The following DPYSL2 variants were observed in gnomAD, a reference collection of about 807,000 sequenced individuals.
The protein encoded by DPYSL2 is dihydropyrimidinase-related protein 2.
In DPYSL2, 13 loss-of-function variants were observed where a neutral mutation model predicts 69.9. That is an observed-to-expected ratio of 0.19 (90% CI 0.12 to 0.30). DPYSL2 has a LOEUF of 0.30. Ranked by LOEUF, DPYSL2 falls within the 10% of genes least tolerant of loss-of-function variation. The pLI, the probability that DPYSL2 is intolerant of heterozygous loss-of-function variation, is 1.00. For synonymous variants in DPYSL2, 326 were observed against 359.1 expected (o/e 0.91, Z 1.04); for missense variants, 587 against 918.9 (o/e 0.64, Z 4.67).
rs1051902478 is a variant in DPYSL2 at position 26,610,457 on chromosome 8, A to G, written c.629-13686A>G. ...TAGCATTTACTCTTATGTTACAATT[A>G]GTGCCTGCTTGCTGTGTGAACAGGA... is the stretch of plus-strand genomic sequence containing the variant. On this transcript the variant is annotated intron_variant, in intron 3 of 13. Transcript: ENST00000521913. This position sits in a 1 kb window ranked among gnomAD's most constrained non-coding sequence, Gnocchi z 4.5. 3.3e-5 allele frequency among the ~76,000 whole-genome samples: 5 copies of G among 152,146 alleles called. No homozygotes were observed. The highest frequency in any genetic ancestry group is 1.2e-4 in the African/African-American group (5 of 41,414).
At chr8:26,616,624 G>A (rs1034573548) in intron 3 of DPYSL2, among the ~76,000 whole-genome samples, 1 of 152,216 alleles carries the variant, frequency 6.6e-6, no homozygotes, top group Non-Finnish European at 1.5e-5. Context: ...CAGGGAGCAG[G>A]GGAAGGTGTG....
At position 26,586,243 on chromosome 8, in the gene DPYSL2, C is replaced by T. The variant is rs1309325036; in HGVS notation, c.628+2260C>T. ...TGACTTGCCGTGTGACCTTGAGTCACTACCCTACTCTGTGTTCTAGCTGTG... is the reference window on the plus strand; with the variant it reads ...TGACTTGCCGTGTGACCTTGAGTCATTACCCTACTCTGTGTTCTAGCTGTG... On this transcript the variant is annotated intron_variant, in intron 3 of 13. Coordinates refer to ENST00000521913, the MANE Select transcript of DPYSL2 (RefSeq NM_001197293.3). This position sits in a 1 kb window ranked among gnomAD's most constrained non-coding sequence, Gnocchi z 4.7. Among the ~76,000 whole-genome samples the T allele has an allele frequency of 6.6e-6, 1 of 152,224 alleles. No homozygotes were observed. The highest frequency in any genetic ancestry group is 1.5e-5 in the Non-Finnish European group (1 of 68,034).
Position 26,514,297 on chromosome 8 carries a change from G to A in DPYSL2, c.-29G>A, listed in dbSNP as rs1173692153. 1 of 1,420,950 alleles carries A rather than the reference G, an allele frequency of 7.0e-7. No individual in the cohort carries two copies. Among genetic ancestry groups the A allele is most frequent in the Non-Finnish European group, 9.2e-7 (1 of 1,089,272 alleles). 88.0% of individuals were successfully genotyped at this position (1,420,950 alleles called of 1,614,324 possible). On this transcript the variant is annotated 5_prime_UTR_variant, in exon 1 of 14. Transcript: ENST00000521913. The surrounding 1 kb of genome is among the most constrained non-coding windows in gnomAD (Gnocchi z 8.4). ...GGGACTGGCAGACGGACGGACGGAC[G>A]GCGAGGACCCTACCCGAGCCCCCGA... is the stretch of plus-strand genomic sequence containing the variant.
chr8:26,568,202 G>A (rs1801182593), intron 1 of DPYSL2, among the ~76,000 whole-genome samples: 1 of 152,208 alleles, frequency 6.6e-6, no homozygotes, highest in African/African-American at 2.4e-5. Context: ...AGAAGCTGGA[G>A]GGAGACCAGT....
chr8:26,584,003 T>A lies in DPYSL2; in HGVS notation c.628+20T>A. On this transcript the variant is annotated intron_variant, in intron 3 of 13. Coordinates refer to ENST00000521913, the MANE Select transcript of DPYSL2 (RefSeq NM_001197293.3). ...TGATCAGTAAGAAGCTTAAAAATCA[T>A]CATTGTAGTGCTTAGGAAGTGTGAG... 1 of 1,609,492 alleles carries A rather than the reference T, an allele frequency of 6.2e-7. No individual in the cohort carries two copies. The highest frequency in any genetic ancestry group is 1.1e-5 in the South Asian group (1 of 90,376).
intron 8 of DPYSL2, chr8:26,637,979 G>T (rs1227163586): frequency 1.3e-5 from 2 of 152,196 alleles, no homozygotes; most frequent in Non-Finnish European, 2.9e-5. Context: ...CCTGGACAAG[G>T]GTTTTCTGCT....
intron 1 of DPYSL2, among the ~76,000 whole-genome samples, chr8:26,531,116 T>A (rs1485091948): frequency 1.3e-5 from 2 of 150,418 alleles, no homozygotes; most frequent in African/African-American, 4.9e-5. Flanking sequence ...CCTAAGCACC[T>A]CTCCAAAACC....
chr8:26,563,128 T>C (rs1363657780), intron 1 of DPYSL2, among the ~76,000 whole-genome samples: 1 of 152,148 alleles, frequency 6.6e-6, no homozygotes, highest in African/African-American at 2.4e-5. Context: ...AGGGAGGGCA[T>C]GTAGACCCCA....
Position 26,571,652 on chromosome 8 carries a change from G to C in DPYSL2, c.355-10317G>C, listed in dbSNP as rs1334113853. 6.6e-6 allele frequency among the ~76,000 whole-genome samples: 1 copy of C among 152,214 alleles called. No homozygotes were observed. The highest frequency in any genetic ancestry group is 1.5e-5 in the Non-Finnish European group (1 of 68,034). The stretch of plus-strand genomic sequence containing the variant: ...CTTGTCCAGCAGGATTTGGACAGAT[G>C]AGCTTCTTGTCTTCCTGCAGGGAGG... On this transcript the variant is annotated intron_variant, in intron 1 of 13. Transcript: ENST00000521913. The surrounding 1 kb of genome is among the most constrained non-coding windows in gnomAD (Gnocchi z 6.1).
chr8:26,580,363 C>T lies in DPYSL2; in HGVS notation c.355-1606C>T, dbSNP rs568059078. On this transcript the variant is annotated intron_variant, in intron 1 of 13. Coordinates refer to ENST00000521913, the MANE Select transcript of DPYSL2 (RefSeq NM_001197293.3). This position sits in a 1 kb window ranked among gnomAD's most constrained non-coding sequence, Gnocchi z 4.1. ...ATGTGTCATGGGAATAGAACCTGGC[C>T]TCATCTACCTCACAGATTTCTTTCG... 6.1e-4 allele frequency among the ~76,000 whole-genome samples: 93 copies of T among 152,294 alleles called. No homozygotes were observed. The highest frequency in any genetic ancestry group is 2.2e-3 in the African/African-American group (92 of 41,556).
At chr8:26,530,629 G>A (rs1585491787) in intron 1 of DPYSL2, among the ~76,000 whole-genome samples, 1 of 152,044 alleles carries the variant, frequency 6.6e-6, no homozygotes, top group Non-Finnish European at 1.5e-5. Flanking sequence ...CTTCCTTCTG[G>A]CCATTTAGTT....
At position 26,652,236 on chromosome 8, in the gene DPYSL2, T is replaced by A; in HGVS notation, c.1597-21T>A. Reference sequence around the variant, plus strand: ...CCAGCCAGAGTGGCCTGTTCTAGAGTTTACTTTGCCTTCTTCTCAGTCTCT... The same window carrying A: ...CCAGCCAGAGTGGCCTGTTCTAGAGATTACTTTGCCTTCTTCTCAGTCTCT... On this transcript the variant is annotated intron_variant, in intron 11 of 13. Transcript: ENST00000521913. This position sits in a 1 kb window ranked among gnomAD's most constrained non-coding sequence, Gnocchi z 6.3. 6.2e-7 allele frequency: 1 copy of A among 1,603,450 alleles called. No homozygotes were observed. Among genetic ancestry groups the A allele is most frequent in the Admixed American group, 1.7e-5 (1 of 59,294 alleles).
chr8:26,577,703 G>T, intron 1 of DPYSL2: 1 of 712,356 alleles, frequency 1.4e-6, no homozygotes, highest in Non-Finnish European at 1.7e-6. Context: ...GCCCCGGCCC[G>T]AAGAAAGCGC....
At chr8:26,637,020 G>A (rs969546492) in intron 8 of DPYSL2, among the ~76,000 whole-genome samples, 3 of 152,174 alleles carry the variant, frequency 2.0e-5, no homozygotes, top group Non-Finnish European at 4.4e-5. Flanking sequence ...GGGATTACAG[G>A]CATGAGCCAC....
At chr8:26,536,627 T>G (rs1276411521) in intron 1 of DPYSL2, among the ~76,000 whole-genome samples, 1 of 152,092 alleles carries the variant, frequency 6.6e-6, no homozygotes, top group Non-Finnish European at 1.5e-5. Context: ...GCCGAGATTA[T>G]GCCACTGCAC....
At position 26,598,848 on chromosome 8, in the gene DPYSL2, C is replaced by G. The variant is rs1167746650; in HGVS notation, c.628+14865C>G. On this transcript the variant is annotated intron_variant, in intron 3 of 13. Transcript: ENST00000521913. The surrounding 1 kb of genome is among the most constrained non-coding windows in gnomAD (Gnocchi z 4.2). ...GGCGGTGGGGGTGGGGGAATGAAAG[C>G]CCAGAAAGGGATGTGGCACTCGGGC... 6.6e-6 allele frequency among the ~76,000 whole-genome samples: 1 copy of G among 152,126 alleles called. No individual in the cohort carries two copies. Among genetic ancestry groups the G allele is most frequent in the African/African-American group, 2.4e-5 (1 of 41,422 alleles).
Position 26,524,835 on chromosome 8 carries a change from A to AAAAAAAAAG in DPYSL2, c.354+10157_354+10158insAAAAAAAGA, listed in dbSNP as rs1563374151. ...AAAAAAAAAAAAAAAAAAAAAAAAAAAGAGAGAGAATTACTGTTTTTCAAT... is the reference window on the plus strand; with the variant it reads ...AAAAAAAAAAAAAAAAAAAAAAAAAAAAAAAAAAGAGAGAGAGAATTACTGTTTTTCAAT... On this transcript the variant is annotated intron_variant, in intron 1 of 13. Coordinates refer to ENST00000521913, the MANE Select transcript of DPYSL2 (RefSeq NM_001197293.3). Among the ~76,000 whole-genome samples, 51 of 74,214 alleles carry AAAAAAAAAG rather than the reference A, an allele frequency of 6.9e-4. 1 individual carries two copies. Among genetic ancestry groups the AAAAAAAAAG allele is most frequent in the South Asian group, 1.2e-3 (2 of 1,658 alleles). 48.7% of individuals were successfully genotyped at this position (74,214 alleles called of 152,430 possible). A position where few individuals can be genotyped will look rare whatever the true frequency, so the allele number is the denominator to read the frequency against.
In DPYSL2 at chr8:26,587,191, G is replaced by T. The variant is rs1167185934; in HGVS notation, c.628+3208G>T. 6.6e-6 allele frequency among the ~76,000 whole-genome samples: 1 copy of T among 152,180 alleles called. No homozygotes were observed. Among genetic ancestry groups the T allele is most frequent in the Non-Finnish European group, 1.5e-5 (1 of 68,028 alleles). On this transcript the variant is annotated intron_variant, in intron 3 of 13. Transcript: ENST00000521913. This position sits in a 1 kb window ranked among gnomAD's most constrained non-coding sequence, Gnocchi z 4.2. ...GCCTTGCAAAGAGAAATAGCTTAAT[G>T]CCACTTCATTGGCACCTAAGACCTG...
chr8:26,521,702 T>C (rs1287969268), intron 1 of DPYSL2, among the ~76,000 whole-genome samples: 1 of 152,214 alleles, frequency 6.6e-6, no homozygotes, highest in Admixed American at 6.5e-5. Flanking sequence ...CAATCACTAA[T>C]CTGCATTCTG....
Sources: gnomAD v4.1 joint callset for allele counts (sites outside exome capture counted in the v4.1 genomes callset) on GRCh38, gnomAD v4.1.1 for gene constraint, Gnocchi (gnomAD v3.1) non-coding constraint, MANE v1.5 for transcripts, NCBI Gene and HGNC (gene_info 2026-07-23, HGNC 2026-07-21) for gene names.